EDC4: variants seen among roughly 807,000 people sequenced by gnomAD.
The protein encoded by EDC4 is enhancer of mRNA decapping 4.
A neutral mutation model predicts 155.8 loss-of-function variants in EDC4; 64 were observed. That is an observed-to-expected ratio of 0.41 (90% CI 0.34 to 0.51). EDC4 has a LOEUF of 0.51. Ranked by LOEUF, EDC4 falls within the 20% of genes least tolerant of loss-of-function variation. The probability of loss-of-function intolerance (pLI) is 0.19; values close to 1 mark genes in which losing one functional copy is unlikely to be tolerated. For missense variants in EDC4, 1,303 were observed against 1,812.5 expected (o/e 0.72, Z 5.10); for synonymous variants, 684 against 716.8 (o/e 0.95, Z 0.73).
At position 67,877,446 on chromosome 16, in the gene EDC4, G is replaced by C. The variant is rs374827397; in HGVS notation, c.641+40G>C. 1.2e-4 allele frequency: 194 copies of C among 1,610,742 alleles called. No individual in the cohort carries two copies. The highest frequency in any genetic ancestry group is 1.2e-3 in the Admixed American group (70 of 59,926). On this transcript the variant is annotated intron_variant, in intron 5 of 28. Transcript: ENST00000358933. This position sits in a 1 kb window ranked among gnomAD's most constrained non-coding sequence, Gnocchi z 4.9. Reference sequence around the variant, plus strand: ...CTGTGGGTGGTGGGACTGAAGAAGGGTGGGCGGAGCTGGGGTGTCACGCCT... The same window carrying C: ...CTGTGGGTGGTGGGACTGAAGAAGGCTGGGCGGAGCTGGGGTGTCACGCCT...
chr16:67,876,200 C>A lies in EDC4; in HGVS notation c.239+99C>A. The A allele has an allele frequency of 7.5e-7, 1 of 1,330,118 alleles. No homozygotes were observed. Among genetic ancestry groups the A allele is most frequent in the Non-Finnish European group, 1.1e-6 (1 of 947,640 alleles). The allele number at this position is 1,330,118 out of a possible 1,614,324, so 82.4% of individuals were successfully genotyped here. On this transcript the variant is annotated intron_variant, in intron 2 of 28. Transcript: ENST00000358933. This position sits in a 1 kb window ranked among gnomAD's most constrained non-coding sequence, Gnocchi z 5.8. Reference sequence around the variant, plus strand: ...GAGTGAGCGGGGCCAGCAGCCTCTGCTGCTTCCTCTCTAGATGACCTGGGG... The same window carrying A: ...GAGTGAGCGGGGCCAGCAGCCTCTGATGCTTCCTCTCTAGATGACCTGGGG...
Position 67,878,833 on chromosome 16 carries a change from A to C in EDC4, c.1281A>C (p.Gln427His). Residue 427 changes from glutamine to histidine, a missense_variant, in exon 11 of 29, where the codon CAA (glutamine) becomes CAC (histidine). Coordinates refer to ENST00000358933, the MANE Select transcript of EDC4 (RefSeq NM_014329.5). The surrounding 1 kb of genome is among the most constrained non-coding windows in gnomAD (Gnocchi z 5.2). ...SAEYLILSDV[Q>H]RKVLYVMELL... is the part of the protein sequence containing the mutation. ...AATACCTGATTCTCAGCGATGTGCA[A>C]CGGAAGGTAGGCTGCCATGGGGTAC... 1 of 1,613,690 alleles carries C rather than the reference A, an allele frequency of 6.2e-7. No individual in the cohort carries two copies. The highest frequency in any genetic ancestry group is 8.5e-7 in the Non-Finnish European group (1 of 1,180,026).
rs775216062 is a variant in EDC4 at position 67,879,378 on chromosome 16, G to A, written c.1542-34G>A. The A allele has an allele frequency of 1.2e-6, 2 of 1,614,206 alleles. No homozygotes were observed. The highest frequency in any genetic ancestry group is 1.7e-6 in the Non-Finnish European group (2 of 1,180,034). On this transcript the variant is annotated intron_variant, in intron 13 of 28. Transcript: ENST00000358933. The surrounding 1 kb of genome is among the most constrained non-coding windows in gnomAD (Gnocchi z 6.0). ...CTCCACTCTACTGACCCTTGCCCTT[G>A]GAGCACTTTATTCTCCCCCTTCTTT... is the stretch of plus-strand genomic sequence containing the variant.
rs754104108 is a variant in EDC4 at position 67,884,146 on chromosome 16, T to A, written c.4204T>A (p.Ter1402LysextTer13). The stretch of plus-strand genomic sequence containing the variant: ...TGGCCTCGTGACCCCCAGCCTCCCT[T>A]AGCTGCTAAGCCTGCCTTGCCCAGG... Reference protein sequence around the residue: ...LHGLVTPSLP* With the variant: ...LHGLVTPSLPK Residue 1402 changes from the stop codon to lysine (K), a stop_lost, in exon 29 of 29, where the codon TAG (stop) becomes AAG (lysine). Coordinates refer to ENST00000358933, the MANE Select transcript of EDC4 (RefSeq NM_014329.5). This position sits in a 1 kb window ranked among gnomAD's most constrained non-coding sequence, Gnocchi z 4.1. 8.1e-6 allele frequency: 13 copies of A among 1,605,832 alleles called. No homozygotes were observed. Among genetic ancestry groups the A allele is most frequent in the African/African-American group, 1.3e-5 (1 of 74,988 alleles).
Position 67,877,122 on chromosome 16 carries a change from C to G in EDC4, c.452-95C>G. ...CTGGGTGGGAAAACCAAGCTTGAGA[C>G]TCTGGTGGTGGCAGGGAGACAGGTG... On this transcript the variant is annotated intron_variant, in intron 4 of 28. Coordinates refer to ENST00000358933, the MANE Select transcript of EDC4 (RefSeq NM_014329.5). The surrounding 1 kb of genome is among the most constrained non-coding windows in gnomAD (Gnocchi z 4.9). 1 of 1,535,834 alleles carries G rather than the reference C, an allele frequency of 6.5e-7. No individual in the cohort carries two copies. The highest frequency in any genetic ancestry group is 1.7e-4 in the Middle Eastern group (1 of 5,746).
chr16:67,876,749 C>A lies in EDC4; in HGVS notation c.352-124C>A. ...CTGGGTGCCAAGCCTCTGTGGGAGT[C>A]TGGCTCCAGGAGGTAACAGTGGGTA... On this transcript the variant is annotated intron_variant, in intron 3 of 28. Coordinates refer to ENST00000358933, the MANE Select transcript of EDC4 (RefSeq NM_014329.5). The surrounding 1 kb of genome is among the most constrained non-coding windows in gnomAD (Gnocchi z 5.8). The A allele has an allele frequency of 6.4e-7, 1 of 1,557,824 alleles. No homozygotes were observed.
At chr16:67,873,598 T>C (rs909774951) in intron 1 of EDC4, 2 of 395,596 alleles carry the variant, frequency 5.1e-6, no homozygotes, top group African/African-American at 4.2e-5. Flanking sequence ...CTGAATCCGC[T>C]GGGGCCCTCT....
In EDC4 at chr16:67,882,251, G is replaced by A. The variant is rs1476908216; in HGVS notation, c.3200G>A (p.Ser1067Asn). ...RSLEPMAGQL[S>N]NSVATKLTAV... Reference sequence around the variant, plus strand: ...CTGGAGCCTATGGCAGGCCAACTGAGCAACTCAGTGGCTACCAAGCTCACA... The same window carrying A: ...CTGGAGCCTATGGCAGGCCAACTGAACAACTCAGTGGCTACCAAGCTCACA... Residue 1067 changes from serine (S) to asparagine (N), a missense_variant, in exon 24 of 29, where the codon AGC (serine) becomes AAC (asparagine). Physicochemically the swap from Ser to Asn is conservative, Grantham distance 46 (BLOSUM62 1). Coordinates refer to ENST00000358933, the MANE Select transcript of EDC4 (RefSeq NM_014329.5). The surrounding 1 kb of genome is among the most constrained non-coding windows in gnomAD (Gnocchi z 7.2). 6.2e-7 allele frequency: 1 copy of A among 1,613,604 alleles called. No individual in the cohort carries two copies. The highest frequency in any genetic ancestry group is 1.1e-5 in the South Asian group (1 of 91,010).
At position 67,873,192 on chromosome 16, in the gene EDC4, A is replaced by G; in HGVS notation, c.-70A>G. The G allele has an allele frequency of 8.3e-7, 1 of 1,204,012 alleles. No individual in the cohort carries two copies. Among genetic ancestry groups the G allele is most frequent in the Non-Finnish European group, 1.1e-6 (1 of 922,866 alleles). The allele number at this position is 1,204,012 out of a possible 1,614,324, so 74.6% of individuals were successfully genotyped here. On this transcript the variant is annotated 5_prime_UTR_variant, in exon 1 of 29. Transcript: ENST00000358933. ...CCGCTGTCTCGCCCCGTGGCGGGTGAGCGAGGGTGCGTGGTGCGCGGCGGC... is the reference window on the plus strand; with the variant it reads ...CCGCTGTCTCGCCCCGTGGCGGGTGGGCGAGGGTGCGTGGTGCGCGGCGGC...
rs1291941249 is a variant in EDC4 at position 67,881,671 on chromosome 16, G to A, written c.2830G>A (p.Ala944Thr). Reference sequence around the variant, plus strand: ...TGACTGTCAGTGCTACTGACAGGTGGCAGAGCCCCCTGAGGACTGGCCAGC... The same window carrying A: ...TGACTGTCAGTGCTACTGACAGGTGACAGAGCCCCCTGAGGACTGGCCAGC... ...MGSRLTEHQV[A>T]EPPEDWPALI... The change falls in exon 22 of 29, where the codon GCA becomes ACA. Residue 944 changes from alanine (A) to threonine (T), a missense_variant. Physicochemically the swap from Ala to Thr is moderately conservative, Grantham distance 58. Coordinates refer to ENST00000358933, the MANE Select transcript of EDC4 (RefSeq NM_014329.5). This position sits in a 1 kb window ranked among gnomAD's most constrained non-coding sequence, Gnocchi z 5.4. 2.5e-6 allele frequency: 4 copies of A among 1,612,046 alleles called. No individual in the cohort carries two copies. The highest frequency in any genetic ancestry group is 3.4e-6 in the Non-Finnish European group (4 of 1,178,362).
At position 67,883,902 on chromosome 16, in the gene EDC4, C is replaced by A; in HGVS notation, c.4014-54C>A. 6.5e-7 allele frequency: 1 copy of A among 1,543,168 alleles called. No individual in the cohort carries two copies. Among genetic ancestry groups the A allele is most frequent in the Non-Finnish European group, 8.7e-7 (1 of 1,143,364 alleles). ...TCTGGGCCTCGGTGCCACCAGGGGG[C>A]GCTCCCGTCTGCTGGCACCCACCTG... is the stretch of plus-strand genomic sequence containing the variant. On this transcript the variant is annotated intron_variant, in intron 28 of 28. Coordinates refer to ENST00000358933, the MANE Select transcript of EDC4 (RefSeq NM_014329.5). The surrounding 1 kb of genome is among the most constrained non-coding windows in gnomAD (Gnocchi z 5.3).
At position 67,880,255 on chromosome 16, in the gene EDC4, G is replaced by C. The variant is rs1170766067; in HGVS notation, c.2097+39G>C. On this transcript the variant is annotated intron_variant, in intron 17 of 28. Coordinates refer to ENST00000358933, the MANE Select transcript of EDC4 (RefSeq NM_014329.5). This position sits in a 1 kb window ranked among gnomAD's most constrained non-coding sequence, Gnocchi z 5.2. ...TGTGTGTGTGAAGTGTGGGGAGCAG[G>C]TGGGCAGCAGCAGGGAAGGTGGGTG... The C allele has an allele frequency of 1.3e-6, 2 of 1,555,188 alleles. No homozygotes were observed. The highest frequency in any genetic ancestry group is 8.7e-7 in the Non-Finnish European group (1 of 1,152,636).
In EDC4 at chr16:67,878,774, C is replaced by T; in HGVS notation, c.1222C>T (p.Pro408Ser). ...TATCTTCAGCTCAGTGAGTGTGCCC[C>T]CTAGCCTCAAGGTTTGCTTGGACCT... ...PDIFSSVSVP[P>S]SLKVCLDLSA... is the part of the protein sequence containing the mutation. Residue 408 changes from proline (P) to serine (S), a missense_variant, in exon 11 of 29, where the codon CCT becomes TCT. Pro to Ser is a moderately conservative substitution (Grantham distance 74). Transcript: ENST00000358933. This position sits in a 1 kb window ranked among gnomAD's most constrained non-coding sequence, Gnocchi z 5.2. 1 of 1,614,148 alleles carries T rather than the reference C, an allele frequency of 6.2e-7. No individual in the cohort carries two copies. Among genetic ancestry groups the T allele is most frequent in the Non-Finnish European group, 8.5e-7 (1 of 1,180,034 alleles).
In EDC4 at chr16:67,880,534, C is replaced by A; in HGVS notation, c.2098-23C>A. On this transcript the variant is annotated intron_variant, in intron 17 of 28. Transcript: ENST00000358933. The surrounding 1 kb of genome is among the most constrained non-coding windows in gnomAD (Gnocchi z 5.2). The stretch of plus-strand genomic sequence containing the variant: ...TCTGCCTCACTTCCTGTCACTTAAG[C>A]CCCCATCTTTGGCCCACCTCAGGTG... The A allele has an allele frequency of 6.2e-7, 1 of 1,608,314 alleles. No homozygotes were observed.
rs1405381100 is a variant in EDC4, at chr16:67,876,271, G to A, written c.239+170G>A. ...GGATGAGAGGCAAGGACAAGCTCAG[G>A]GGTTTGGCCTGGATACCTGGTTTAG... On this transcript the variant is annotated intron_variant, in intron 2 of 28. Transcript: ENST00000358933. This position sits in a 1 kb window ranked among gnomAD's most constrained non-coding sequence, Gnocchi z 5.8. 9.9e-5 allele frequency among the ~76,000 whole-genome samples: 15 copies of A among 152,152 alleles called. No homozygotes were observed. Among genetic ancestry groups the A allele is most frequent in the Non-Finnish European group, 1.6e-4 (11 of 68,020 alleles).
Position 67,879,883 on chromosome 16 carries a change from A to G in EDC4, c.1855A>G (p.Ser619Gly). ...TASPSSSSSG[S>G]SSSSSSSSSS... ...CTCTCCCAGCAGCAGCAGCAGCGGT[A>G]GCAGCAGCAGCAGCAGCAGTAGCAG... The change falls in exon 16 of 29, where the codon AGC (serine) becomes GGC (glycine). Residue 619 changes from serine to glycine, a missense_variant. By Grantham distance (56) the Ser-to-Gly change is moderately conservative. Transcript: ENST00000358933. The surrounding 1 kb of genome is among the most constrained non-coding windows in gnomAD (Gnocchi z 6.0). 4 of 1,591,216 alleles carry G rather than the reference A, an allele frequency of 2.5e-6. No homozygotes were observed. The highest frequency in any genetic ancestry group is 3.4e-6 in the Non-Finnish European group (4 of 1,167,380).
chr16:67,881,045 C>A lies in EDC4; in HGVS notation c.2532-31C>A, dbSNP rs1410785453. 1 of 1,613,972 alleles carries A rather than the reference C, an allele frequency of 6.2e-7. No individual in the cohort carries two copies. The highest frequency in any genetic ancestry group is 2.2e-5 in the East Asian group (1 of 44,880). The stretch of plus-strand genomic sequence containing the variant: ...TAGCAGGAGGGGCTTCAGATAGATT[C>A]ATCCATGGCTAAGTTGGCCTGTCCT... On this transcript the variant is annotated intron_variant, in intron 18 of 28. Coordinates refer to ENST00000358933, the MANE Select transcript of EDC4 (RefSeq NM_014329.5). The surrounding 1 kb of genome is among the most constrained non-coding windows in gnomAD (Gnocchi z 5.4).
In EDC4 at chr16:67,882,852, G is replaced by A; in HGVS notation, c.3616G>A (p.Val1206Met). The change falls in exon 26 of 29, where the codon GTG becomes ATG. Residue 1206 changes from valine to methionine, a missense_variant. Physicochemically the swap from Val to Met is conservative, Grantham distance 21 (BLOSUM62 1). Transcript: ENST00000358933. The surrounding 1 kb of genome is among the most constrained non-coding windows in gnomAD (Gnocchi z 7.2). ...TGCTGAGGTGCAGCACCAGCTGCAT[G>A]TGGCTGTGGGCAGGTGTGTGGGCAG... is the stretch of plus-strand genomic sequence containing the variant. ...VRAEVQHQLHVAVGSLQESIL... is the reference protein window; with the variant it reads ...VRAEVQHQLHMAVGSLQESIL... The A allele has an allele frequency of 2.5e-6, 4 of 1,614,184 alleles. No individual in the cohort carries two copies. The highest frequency in any genetic ancestry group is 2.2e-5 in the East Asian group (1 of 44,890).
In EDC4 at chr16:67,877,627, C is replaced by T. The variant is rs776842848; in HGVS notation, c.760C>T (p.Pro254Ser). 1 of 1,614,164 alleles carries T rather than the reference C, an allele frequency of 6.2e-7. No homozygotes were observed. The highest frequency in any genetic ancestry group is 1.3e-5 in the African/African-American group (1 of 75,036). Residue 254 changes from proline to serine, a missense_variant, in exon 6 of 29, where the codon CCA becomes TCA. By Grantham distance (74) the Pro-to-Ser change is moderately conservative. Around this residue, in one of 5 missense-constraint regions of EDC4, gnomAD observed 235 missense variants for 367.7 expected, o/e 0.64. Transcript: ENST00000358933. This position sits in a 1 kb window ranked among gnomAD's most constrained non-coding sequence, Gnocchi z 4.9. ...CGAAGACTGCTGTGAGGAGAGCAGCCCAACAGTGGCCCTGCTGCATGAAGA... is the reference window on the plus strand; with the variant it reads ...CGAAGACTGCTGTGAGGAGAGCAGCTCAACAGTGGCCCTGCTGCATGAAGA... ...ESEDCCEESS[P>S]TVALLHEDRA... is the part of the protein sequence containing the mutation.
Sources: gnomAD v4.1 joint callset for allele counts (sites outside exome capture counted in the v4.1 genomes callset) on GRCh38, gnomAD v4.1.1 for gene constraint, gnomAD v4.1.1 regional missense constraint, Gnocchi (gnomAD v3.1) non-coding constraint, MANE v1.5 for transcripts, NCBI Gene and HGNC (gene_info 2026-07-23, HGNC 2026-07-21) for gene names.